Variants in AK9 observed in about 807,000 individuals in gnomAD.
AK9 encodes adenylate kinase 9, also known as adenylate kinase domain containing 1.
Under a neutral mutation model 239.6 loss-of-function variants are expected in AK9, and 191 were observed. That is an observed-to-expected ratio of 0.80 (90% CI 0.71 to 0.90). The LOEUF (loss-of-function observed/expected upper bound fraction) is 0.90, where lower values mean the gene tolerates loss of function less well. Among genes scored for constraint, AK9 ranks in the 40% least tolerant of loss-of-function variants. AK9 has a pLI of 0.00. For missense variants in AK9, 1,995 were observed against 2,214.7 expected (o/e 0.90, Z 1.99); for synonymous variants, 689 against 721.0 (o/e 0.96, Z 0.71).
chr6:109,685,933 T>C (rs1009842683), intron 1 of AK9, among the ~76,000 whole-genome samples: 1 of 152,202 alleles, frequency 6.6e-6, no homozygotes, highest in Admixed American at 6.5e-5. Flanking sequence ...GGTAGACTTC[T>C]GCAAATTTAA....
intron 28 of AK9, among the ~76,000 whole-genome samples, chr6:109,530,799 T>C (rs1781131691): frequency 1.3e-5 from 2 of 152,124 alleles, no homozygotes; most frequent in South Asian, 2.1e-4. Flanking sequence ...ATCACACAAT[T>C]AGTGTGAGGA....
chr6:109,622,099 A>G (rs1794929397), intron 12 of AK9, among the ~76,000 whole-genome samples: 1 of 146,866 alleles, frequency 6.8e-6, no homozygotes, highest in South Asian at 2.1e-4. Context: ...TATATATTGT[A>G]TATATTTTAT....
intron 27 of AK9, among the ~76,000 whole-genome samples, chr6:109,535,961 CTA>C (rs1197927395): frequency 2.0e-5 from 3 of 152,124 alleles, no homozygotes; most frequent in African/African-American, 7.2e-5. Context: ...TTCCATTGGT[CTA>C]TATGTCTGTT....
At chr6:109,519,080 G>A (rs779508065) in intron 29 of AK9, among the ~76,000 whole-genome samples, 4 of 152,142 alleles carry the variant, frequency 2.6e-5, no homozygotes, top group Non-Finnish European at 5.9e-5. Flanking sequence ...TTCTGTTCCT[G>A]TGTTAATTTG....
At chr6:109,540,235 C>T (rs944789708) in intron 27 of AK9, among the ~76,000 whole-genome samples, 1 of 152,224 alleles carries the variant, frequency 6.6e-6, no homozygotes, top group Non-Finnish European at 1.5e-5. Context: ...CCTCCTTGAG[C>T]TGCAGTGTGC....
At chr6:109,501,726 A>C (rs150902661) in intron 35 of AK9, among the ~76,000 whole-genome samples, 1 of 152,226 alleles carries the variant, frequency 6.6e-6, no homozygotes, top group African/African-American at 2.4e-5. Flanking sequence ...GCAGAGGTCA[A>C]TTAGAATCCC....
At chr6:109,547,614 GCTACAGGACATTGGT>G (rs1783732554) in intron 25 of AK9, among the ~76,000 whole-genome samples, 1 of 152,036 alleles carries the variant, frequency 6.6e-6, no homozygotes, top group African/African-American at 2.4e-5. Flanking sequence ...TTGGGGAAGT[GCTACAGGACATTGGT>G]CTGGGCAAAG....
intron 20 of AK9, among the ~76,000 whole-genome samples, chr6:109,575,410 T>C (rs1787941013): frequency 6.6e-6 from 1 of 152,212 alleles, no homozygotes; most frequent in African/African-American, 2.4e-5. Context: ...TGGTTTTGAT[T>C]TGCATTTCCC....
At chr6:109,573,380 C>A in intron 21 of AK9, 62 bp downstream of exon 21, 4 of 1,472,200 alleles carry the variant, frequency 2.7e-6, no homozygotes, top group Non-Finnish European at 2.7e-6. Context: ...CATACACATA[C>A]CCAAACAGAC....
intron 27 of AK9, among the ~76,000 whole-genome samples, chr6:109,539,265 C>G (rs1782503122): frequency 6.6e-6 from 1 of 152,210 alleles, no homozygotes; most frequent in Non-Finnish European, 1.5e-5. Flanking sequence ...TTGGTCTTTT[C>G]ACATAGTCCC....
chr6:109,530,932 A>G (rs2128132750), intron 28 of AK9, among the ~76,000 whole-genome samples: 1 of 152,282 alleles, frequency 6.6e-6, no homozygotes, highest in South Asian at 2.1e-4. Flanking sequence ...AGTCCCAGCT[A>G]CTTGGGAGGC....
intron 12 of AK9, among the ~76,000 whole-genome samples, chr6:109,622,188 A>G (rs1794945097): frequency 6.9e-6 from 1 of 145,662 alleles, no homozygotes; most frequent in Admixed American, 7.0e-5. Flanking sequence ...TACATTATAT[A>G]TAATATACAT....
intron 8 of AK9, 60 bp from the exon 9 acceptor site, chr6:109,644,748 A>C: frequency 7.1e-7 from 1 of 1,410,392 alleles, no homozygotes; most frequent in South Asian, 1.2e-5. Flanking sequence ...TGAATACAAG[A>C]TCAGAATCTT....
intron 1 of AK9, among the ~76,000 whole-genome samples, chr6:109,685,282 A>G (rs1199717799): frequency 6.6e-6 from 1 of 152,224 alleles, no homozygotes; most frequent in African/African-American, 2.4e-5. Flanking sequence ...ATGCACACAT[A>G]TGTTTACTGC....
intron 32 of AK9, among the ~76,000 whole-genome samples, chr6:109,512,758 C>T (rs935626704): frequency 1.3e-5 from 2 of 152,184 alleles, no homozygotes; most frequent in African/African-American, 2.4e-5. Context: ...AATACTACAA[C>T]CAACCAAGTT....
chr6:109,661,601 T>C (rs1405511632), intron 6 of AK9, among the ~76,000 whole-genome samples: 1 of 152,224 alleles, frequency 6.6e-6, no homozygotes, highest in Admixed American at 6.5e-5. Flanking sequence ...ATTCTCAAGT[T>C]CACTCACAAT....
intron 17 of AK9, among the ~76,000 whole-genome samples, chr6:109,589,025 AT>A (rs1169573534): frequency 6.6e-6 from 1 of 152,002 alleles, no homozygotes; most frequent in Admixed American, 6.5e-5. Context: ...CTCCAGCTTT[AT>A]TCTTTTTGCT....
intron 29 of AK9, chr6:109,528,019 T>C (rs769248547): frequency 1.3e-5 from 2 of 155,190 alleles, no homozygotes; most frequent in Non-Finnish European, 1.4e-5. Context: ...CTCAATGTTA[T>C]ACAACCTCAG....
intron 17 of AK9, among the ~76,000 whole-genome samples, chr6:109,602,835 C>T (rs954663043): frequency 6.6e-6 from 1 of 152,182 alleles, no homozygotes; most frequent in Non-Finnish European, 1.5e-5. Flanking sequence ...TCTTTAATCA[C>T]TGATACCCTT....
Sources: gnomAD v4.1 joint callset for allele counts (sites outside exome capture counted in the v4.1 genomes callset) on GRCh38, gnomAD v4.1.1 for gene constraint, MANE v1.5 for transcripts, NCBI Gene and HGNC (gene_info 2026-07-23, HGNC 2026-07-21) for gene names.